EFNA5: variants seen among roughly 807,000 people sequenced by gnomAD.
EFNA5 encodes the protein ephrin-A5.
In EFNA5, 5 loss-of-function variants were observed where a neutral mutation model predicts 22.9. The observed-to-expected ratio is 0.22, with a 90% CI of 0.11 to 0.46. The LOEUF is 0.46. Among genes scored for constraint, EFNA5 ranks in the 20% least tolerant of loss-of-function variants. The pLI is 0.99. For synonymous variants in EFNA5, 113 were observed against 112.2 expected (o/e 1.01, Z -0.04); for missense variants, 237 against 293.3 (o/e 0.81, Z 1.40).
At chr5:107,646,148 G>C (rs1750629808) in intron 1 of EFNA5, among the ~76,000 whole-genome samples, 1 of 152,120 alleles carries the variant, frequency 6.6e-6, no homozygotes, top group African/African-American at 2.4e-5. Context: ...TAAGGTATAG[G>C]AAAAGAGTAC....
chr5:107,459,971 C>T (rs533659142), intron 1 of EFNA5, among the ~76,000 whole-genome samples: 18 of 152,220 alleles, frequency 1.2e-4, no homozygotes, highest in African/African-American at 2.2e-4. Flanking sequence ...ACGCCTCAAA[C>T]GCTTAGCCTT....
chr5:107,484,374 T>C (rs140939153), intron 1 of EFNA5, among the ~76,000 whole-genome samples: 97 of 152,306 alleles, frequency 6.4e-4, no homozygotes, highest in African/African-American at 2.3e-3. Context: ...ACGGTAACAA[T>C]GGAGAAATTT....
chr5:107,401,768 T>TG (rs1748092196), intron 2 of EFNA5, among the ~76,000 whole-genome samples: 1 of 152,208 alleles, frequency 6.6e-6, no homozygotes, highest in South Asian at 2.1e-4. Flanking sequence ...TAGCTGCTTT[T>TG]GCAGGGCCAA....
At chr5:107,482,112 C>A (rs950826140) in intron 1 of EFNA5, among the ~76,000 whole-genome samples, 1 of 151,982 alleles carries the variant, frequency 6.6e-6, no homozygotes, top group African/African-American at 2.4e-5. Context: ...GAGTTTAAGA[C>A]CAGCCTGGGC....
chr5:107,451,627 A>G (rs1749563024), intron 1 of EFNA5, among the ~76,000 whole-genome samples: 1 of 152,236 alleles, frequency 6.6e-6, no homozygotes, highest in Non-Finnish European at 1.5e-5. Flanking sequence ...TGAATAAGTG[A>G]AAACCTAAAT....
chr5:107,600,526 C>A (rs1341914289), intron 1 of EFNA5, among the ~76,000 whole-genome samples: 1 of 151,520 alleles, frequency 6.6e-6, no homozygotes, highest in Non-Finnish European at 1.5e-5. Context: ...TCACTCTGTC[C>A]CCAAGGCTGG....
Position 107,637,810 on chromosome 5 carries a change from A to G in EFNA5, c.125+32679T>C, listed in dbSNP as rs556847509. On this transcript the variant is annotated intron_variant, in intron 1 of 4. Coordinates refer to ENST00000333274, the MANE Select transcript of EFNA5 (RefSeq NM_001962.3). ...TTAAATTCAAAAGCCCCTACAGAGA[A>G]AACAAAAAACTAAGCTAACAGTTTA... Among the ~76,000 whole-genome samples the G allele has an allele frequency of 5.2e-4, 78 of 149,486 alleles. 1 individual carries two copies. Among genetic ancestry groups the G allele is most frequent in the Admixed American group, 3.2e-3 (47 of 14,820 alleles).
At chr5:107,497,321 C>T (rs56976840) in intron 1 of EFNA5, among the ~76,000 whole-genome samples, 7,587 of 152,248 alleles carry the variant, frequency 0.05, 658 homozygotes, top group African/African-American at 0.17. Flanking sequence ...GGCAGGGAGG[C>T]TATTTTATGT....
At chr5:107,504,736 T>C (rs1747215536) in intron 1 of EFNA5, among the ~76,000 whole-genome samples, 1 of 152,202 alleles carries the variant, frequency 6.6e-6, no homozygotes, top group South Asian at 2.1e-4. Flanking sequence ...TGTCGAAGCC[T>C]ATTTAGGCAC....
chr5:107,476,057 T>TGTATACATATATATATATGTATGTATATA, intron 1 of EFNA5, among the ~76,000 whole-genome samples: 5 of 100,428 alleles, frequency 5.0e-5, no homozygotes, highest in African/African-American at 2.5e-4. Context: ...TATATATATA[T>TGTATACATATATATATATGTATGTATATA]TTTTTTTTTT....
At chr5:107,508,342 C>A (rs1036061833) in intron 1 of EFNA5, among the ~76,000 whole-genome samples, 2 of 152,138 alleles carry the variant, frequency 1.3e-5, no homozygotes, top group African/African-American at 4.8e-5. Context: ...CGTGTGAGGT[C>A]ACCGTATTAT....
intron 1 of EFNA5, among the ~76,000 whole-genome samples, chr5:107,561,696 T>G (rs1414212210): frequency 6.6e-6 from 1 of 152,092 alleles, no homozygotes; most frequent in Admixed American, 6.6e-5. Flanking sequence ...ATGAGAAAAT[T>G]ACAACTATAT....
chr5:107,544,641 G>T (rs146858449), intron 1 of EFNA5, among the ~76,000 whole-genome samples: 7 of 152,242 alleles, frequency 4.6e-5, no homozygotes, highest in African/African-American at 1.2e-4. Flanking sequence ...CAATTCAGGC[G>T]CTGGTCCTGC....
intron 1 of EFNA5, among the ~76,000 whole-genome samples, chr5:107,621,018 G>T (rs952578772): frequency 1.3e-5 from 2 of 152,210 alleles, no homozygotes; most frequent in Non-Finnish European, 2.9e-5. Flanking sequence ...CTAGAAAGTA[G>T]TGGATGGGAG....
At chr5:107,387,892 C>T in intron 2 of EFNA5, 121 bp from the exon 3 acceptor site, 1 of 664,190 alleles carries the variant, frequency 1.5e-6, no homozygotes, top group African/African-American at 1.8e-5. Flanking sequence ...CAGGAACTTT[C>T]TCTAATTCCT....
At chr5:107,611,885 G>A (rs947914187) in intron 1 of EFNA5, among the ~76,000 whole-genome samples, 4 of 152,182 alleles carry the variant, frequency 2.6e-5, no homozygotes, top group Admixed American at 6.5e-5. Flanking sequence ...AGGAAAAAAC[G>A]AATATGTAAG....
rs79620257 is a variant in EFNA5, at chr5:107,621,377, C to T, written c.125+49112G>A. ...TCTCTGCCTAGAAGTGGTCATTCTT[C>T]ACAGTAGGGATGGGTACCTCATTGA... is the stretch of plus-strand genomic sequence containing the variant. On this transcript the variant is annotated intron_variant, in intron 1 of 4. Coordinates refer to ENST00000333274, the MANE Select transcript of EFNA5 (RefSeq NM_001962.3). Among the ~76,000 whole-genome samples the T allele has an allele frequency of 3.3e-5, 5 of 152,296 alleles. No individual in the cohort carries two copies. In the East Asian group the frequency reaches 9.6e-4, roughly 29 times the overall value.
intron 4 of EFNA5, among the ~76,000 whole-genome samples, chr5:107,381,763 G>A (rs1339013893): frequency 6.6e-6 from 1 of 152,170 alleles, no homozygotes; most frequent in African/African-American, 2.4e-5. Context: ...GGTGGGGGAA[G>A]GGGCAGTTAT....
chr5:107,488,782 C>A (rs1430290867), intron 1 of EFNA5, among the ~76,000 whole-genome samples: 1 of 152,114 alleles, frequency 6.6e-6, no homozygotes, highest in Non-Finnish European at 1.5e-5. Context: ...ACCTCTGCCT[C>A]CTGGGTTGAA....
Sources: allele counts gnomAD v4.1 joint callset (sites outside exome capture counted in the v4.1 genomes callset), GRCh38; gene constraint gnomAD v4.1.1; transcripts MANE v1.5; gene names NCBI Gene and HGNC (gene_info 2026-07-23, HGNC 2026-07-21).